The following SUGCT variants were observed in gnomAD, a reference collection of about 807,000 sequenced individuals.
SUGCT encodes the protein succinyl-CoA:glutarate-CoA transferase.
In SUGCT, 41 loss-of-function variants were observed where a neutral mutation model predicts 55.0. That is an observed-to-expected ratio of 0.74 (90% CI 0.58 to 0.97). The LOEUF (loss-of-function observed/expected upper bound fraction) is 0.97, where lower values mean the gene tolerates loss of function less well. SUGCT is among the 50% of genes least tolerant of loss of function. The pLI is 0.00. For missense variants in SUGCT, 568 were observed against 547.8 expected, an observed-to-expected ratio of 1.04 and a Z score of -0.37; for synonymous variants, 187 against 200.4, an observed-to-expected ratio of 0.93 and a Z score of 0.56.
chr7:40,703,303 A>G (rs117548309), intron 12 of SUGCT, among the ~76,000 whole-genome samples: 6,446 of 152,132 alleles, frequency 0.042, 182 homozygotes, highest in South Asian at 0.069. Context: ...TCCTCTTTAT[A>G]GGTGGTGGTC....
At chr7:40,989,779 C>T in the SUGCT span, among the ~76,000 whole-genome samples, 11 of 151,956 alleles carry the variant, frequency 7.2e-5, no homozygotes, top group African/African-American at 2.2e-4. Flanking sequence ...AAAAACAAAA[C>T]AAAACAAAAA....
intron 12 of SUGCT, among the ~76,000 whole-genome samples, chr7:40,710,065 G>A (rs1424453714): frequency 1.3e-5 from 2 of 152,120 alleles, no homozygotes; most frequent in African/African-American, 4.8e-5. Flanking sequence ...CTTGAGGAAA[G>A]GACAGGGCTG....
At chr7:40,417,416 T>A (rs962305154) in intron 9 of SUGCT, among the ~76,000 whole-genome samples, 1 of 151,884 alleles carries the variant, frequency 6.6e-6, no homozygotes, top group South Asian at 2.1e-4. Flanking sequence ...TTTATTGTCT[T>A]GTAAATCCTT....
intron 9 of SUGCT, among the ~76,000 whole-genome samples, chr7:40,428,315 T>C (rs1787703785): frequency 6.6e-6 from 1 of 152,198 alleles, no homozygotes; most frequent in South Asian, 2.1e-4. Flanking sequence ...ATTTTTGAAA[T>C]TTGGAATTCA....
chr7:40,613,081 C>T lies in SUGCT; in HGVS notation c.1089+116695C>T, dbSNP rs150697893. On this transcript the variant is annotated intron_variant, in intron 12 of 13. Coordinates refer to ENST00000335693, the MANE Select transcript of SUGCT (RefSeq NM_001193313.2). The stretch of plus-strand genomic sequence containing the variant: ...CCAGGAGGCGGAGGTTGCAGTGAGC[C>T]GACATCATGTCACTGCACTCCAGCC... Among the ~76,000 whole-genome samples the T allele has an allele frequency of 2.2e-4, 33 of 152,000 alleles. 1 individual carries two copies. The East Asian group carries it at 5.4e-3, about 25-fold the overall frequency.
At chr7:40,313,962 A>T (rs1795295251) in intron 8 of SUGCT, among the ~76,000 whole-genome samples, 1 of 152,144 alleles carries the variant, frequency 6.6e-6, no homozygotes, top group African/African-American at 2.4e-5. Context: ...GAGCCTGCTA[A>T]TTCTGAAATG....
chr7:40,937,129 A>C, the SUGCT span, among the ~76,000 whole-genome samples: 1 of 152,112 alleles, frequency 6.6e-6, no homozygotes, highest in African/African-American at 2.4e-5. Context: ...TATTCAAGTC[A>C]ACTATTTCTT....
chr7:40,170,111 A>G (rs1363740877), intron 1 of SUGCT, among the ~76,000 whole-genome samples: 39 of 152,050 alleles, frequency 2.6e-4, no homozygotes, highest in Admixed American at 2.4e-3. Context: ...ACCAATCTCC[A>G]TGTTCTGATT....
chr7:40,553,474 A>AT (rs1159616831), intron 12 of SUGCT, among the ~76,000 whole-genome samples: 2 of 152,124 alleles, frequency 1.3e-5, no homozygotes, highest in Non-Finnish European at 2.9e-5. Context: ...TATCGAGATA[A>AT]TTTTTTTATT....
At chr7:40,881,329 G>A in the SUGCT span, among the ~76,000 whole-genome samples, 1 of 151,970 alleles carries the variant, frequency 6.6e-6, no homozygotes. Flanking sequence ...CTTTAAAGTG[G>A]GAAGAATTCC....
the SUGCT span, among the ~76,000 whole-genome samples, chr7:40,937,605 A>G: frequency 1.3e-5 from 2 of 152,076 alleles, no homozygotes; most frequent in South Asian, 4.2e-4. Context: ...TATAATTGTT[A>G]TATATTCTTG....
At chr7:40,678,423 A>C (rs1784100546) in intron 12 of SUGCT, among the ~76,000 whole-genome samples, 1 of 152,178 alleles carries the variant, frequency 6.6e-6, no homozygotes, top group Non-Finnish European at 1.5e-5. Context: ...TTTAGTTGTC[A>C]AAAAACAATT....
the SUGCT span, among the ~76,000 whole-genome samples, chr7:40,881,152 G>C: frequency 6.6e-6 from 1 of 152,086 alleles, no homozygotes; most frequent in Non-Finnish European, 1.5e-5. Flanking sequence ...TGGGTAACAT[G>C]TTCTCCCATG....
chr7:40,914,609 G>T, the SUGCT span, among the ~76,000 whole-genome samples: 2,218 of 152,200 alleles, frequency 0.015, 54 homozygotes, highest in African/African-American at 0.05. Flanking sequence ...ATATGAAAAC[G>T]CTAGGCTGAG....
intron 9 of SUGCT, among the ~76,000 whole-genome samples, chr7:40,388,503 C>T (rs928794023): frequency 1.3e-5 from 2 of 152,108 alleles, no homozygotes; most frequent in African/African-American, 2.4e-5. Context: ...GCAACCTCCA[C>T]CACCCAGATT....
intron 12 of SUGCT, among the ~76,000 whole-genome samples, chr7:40,525,150 A>G (rs1289069026): frequency 1.3e-5 from 2 of 152,206 alleles, no homozygotes; most frequent in African/African-American, 4.8e-5. Flanking sequence ...CTGGAGAGTA[A>G]GCAAGCTTTA....
Position 40,439,061 on chromosome 7 carries a change from G to GTGTGTGT in SUGCT, c.817-10226_817-10225insTGTGTGT, listed in dbSNP as rs1554338574. ...GTATATATATATATGGTATATATAT[G>GTGTGTGT]GTGTATATATATATATATATATATA... On this transcript the variant is annotated intron_variant, in intron 9 of 13. Transcript: ENST00000335693. Among the ~76,000 whole-genome samples, 249 of 51,818 alleles carry GTGTGTGT rather than the reference G, an allele frequency of 4.8e-3. 5 individuals carry two copies. Among genetic ancestry groups the GTGTGTGT allele is most frequent in the African/African-American group, 0.028 (233 of 8,380 alleles). The allele number at this position is 51,818 out of a possible 152,430, so 34.0% of individuals were successfully genotyped here.
At chr7:40,931,046 C>T in the SUGCT span, among the ~76,000 whole-genome samples, 1 of 152,124 alleles carries the variant, frequency 6.6e-6, no homozygotes. Context: ...CAGTATGATA[C>T]TGGCTGTGGG....
At chr7:40,754,807 C>T (rs1265859489) in intron 13 of SUGCT, among the ~76,000 whole-genome samples, 1 of 152,202 alleles carries the variant, frequency 6.6e-6, no homozygotes, top group African/African-American at 2.4e-5. Flanking sequence ...TCTTTAATTA[C>T]TTCAGGTATC....
Sources: allele counts gnomAD v4.1 joint callset (sites outside exome capture counted in the v4.1 genomes callset), GRCh38; gene constraint gnomAD v4.1.1; transcripts MANE v1.5; gene names NCBI Gene and HGNC (gene_info 2026-07-23, HGNC 2026-07-21).